Variants in ACACB observed in about 807,000 individuals in gnomAD.
The protein encoded by ACACB is acetyl-CoA carboxylase 2.
In ACACB, 209 loss-of-function variants were observed where a neutral mutation model predicts 278.8. That is an observed-to-expected ratio of 0.75 (90% CI 0.67 to 0.84). The LOEUF is 0.84. Ranked by LOEUF, ACACB falls within the 40% of genes least tolerant of loss-of-function variation. The pLI is 0.00. For synonymous variants in ACACB, 1,174 were observed against 1,285.6 expected, an observed-to-expected ratio of 0.91 and a Z score of 1.86; for missense variants, 2,850 against 3,269.0, an observed-to-expected ratio of 0.87 and a Z score of 3.13.
intron 33 of ACACB, 196 bp downstream of exon 33, chr12:109,235,843 T>C (rs942120125): frequency 1.7e-5 from 9 of 536,512 alleles, no homozygotes; most frequent in Admixed American, 7.3e-5. Context: ...ACAAAAAAAT[T>C]AAAAAATCAG....
In ACACB at chr12:109,262,982, A is replaced by T. The variant is rs1419981228; in HGVS notation, c.6787+513A>T. 42 of 137,634 alleles carry T rather than the reference A, an allele frequency of 3.1e-4. 1 individual carries two copies. Among genetic ancestry groups the T allele is most frequent in the Admixed American group, 1.3e-3 (18 of 13,776 alleles). The allele number at this position is 137,634 out of a possible 1,614,324, so 8.5% of individuals were successfully genotyped here. A position where few individuals can be genotyped will look rare whatever the true frequency, so the allele number is the denominator to read the frequency against. ...TATATATATATATATATATATATAT[A>T]TTGCCATCGTGAATTTATTTCTCAG... On this transcript the variant is annotated intron_variant, in intron 49 of 52. Transcript: ENST00000338432.
chr12:109,168,155 G>A, intron 4 of ACACB, 121 bp downstream of exon 4: 1 of 1,057,676 alleles, frequency 9.5e-7, no homozygotes, highest in South Asian at 1.8e-5. Flanking sequence ...TCATGAGTCT[G>A]TATTTATTTG....
At chr12:109,183,492 T>C (rs1305406807) in intron 11 of ACACB, among the ~76,000 whole-genome samples, 1 of 152,202 alleles carries the variant, frequency 6.6e-6, no homozygotes, top group East Asian at 1.9e-4. Flanking sequence ...TATAGAGACC[T>C]TTCACTTCTT....
At chr12:109,213,742 C>T (rs1180205062) in intron 22 of ACACB, among the ~76,000 whole-genome samples, 4 of 151,964 alleles carry the variant, frequency 2.6e-5, no homozygotes, top group African/African-American at 7.3e-5. Context: ...GAACTACGGG[C>T]GCCCAACACC....
Position 109,180,142 on chromosome 12 carries a change from T to C in ACACB, c.1818+55T>C, listed in dbSNP as rs981066359. 5.6e-5 allele frequency: 88 copies of C among 1,566,600 alleles called. 2 individuals carry two copies. The South Asian group carries it at 8.7e-4, about 16-fold the overall frequency. The stretch of plus-strand genomic sequence containing the variant: ...TTCTCTGCCCTGGGTCAGGGGTCCA[T>C]GTGCTGCTCCCATTAGTCCATCCCG... On this transcript the variant is annotated intron_variant, in intron 11 of 52. Coordinates refer to ENST00000338432, the MANE Select transcript of ACACB (RefSeq NM_001093.4).
At chr12:109,220,085 C>G (rs2046116552) in intron 24 of ACACB, among the ~76,000 whole-genome samples, 1 of 152,184 alleles carries the variant, frequency 6.6e-6, no homozygotes. Context: ...CATATTGACT[C>G]TCTTCTGGGC....
chr12:109,260,133 G>A (rs2047340521), intron 47 of ACACB: 16 of 1,386,944 alleles, frequency 1.2e-5, no homozygotes, highest in Non-Finnish European at 1.5e-5. Flanking sequence ...GCACATTGGG[G>A]AAGGATCAGT....
At chr12:109,250,260 C>T (rs2047058232) in intron 41 of ACACB, among the ~76,000 whole-genome samples, 156 bp downstream of exon 41, 1 of 152,194 alleles carries the variant, frequency 6.6e-6, no homozygotes, top group African/African-American at 2.4e-5. Context: ...TCCTCAATCT[C>T]ACCCCCATCC....
chr12:109,252,947 T>C, intron 42 of ACACB, 68 bp from the exon 43 acceptor site: 1 of 1,400,692 alleles, frequency 7.1e-7, no homozygotes, highest in South Asian at 1.9e-5. Context: ...AGCACTGAGA[T>C]GATTTCCAAA....
chr12:109,200,366 G>T (rs1332433661), intron 18 of ACACB, among the ~76,000 whole-genome samples: 1 of 151,830 alleles, frequency 6.6e-6, no homozygotes, highest in African/African-American at 2.4e-5. Flanking sequence ...TTGTATTTTT[G>T]GTAGTGACAG....
chr12:109,127,371 T>C (rs2042705658), intron 1 of ACACB, among the ~76,000 whole-genome samples: 1 of 151,384 alleles, frequency 6.6e-6, no homozygotes, highest in Non-Finnish European at 1.5e-5. Flanking sequence ...AAGCTCTTAC[T>C]CAGGAGTTCA....
intron 2 of ACACB, among the ~76,000 whole-genome samples, chr12:109,161,326 T>C (rs1039608599): frequency 6.6e-6 from 1 of 152,128 alleles, no homozygotes; most frequent in African/African-American, 2.4e-5. Context: ...GGCAGATCAC[T>C]TGAGGTCAGG....
intron 1 of ACACB, among the ~76,000 whole-genome samples, chr12:109,126,451 G>A (rs1247025213): frequency 6.6e-6 from 1 of 152,192 alleles, no homozygotes; most frequent in African/African-American, 2.4e-5. Context: ...GGGAGGAAGA[G>A]GTGGGAAGAT....
chr12:109,197,978 T>C (rs1315752421), intron 17 of ACACB, among the ~76,000 whole-genome samples: 1 of 152,114 alleles, frequency 6.6e-6, no homozygotes, highest in East Asian at 1.9e-4. Flanking sequence ...CACTGCAGCC[T>C]CAACTTCCCT....
At chr12:109,207,095 A>T (rs12314997) in intron 20 of ACACB, among the ~76,000 whole-genome samples, 1,939 of 152,278 alleles carry the variant, frequency 0.013, 51 homozygotes, top group African/African-American at 0.043. Flanking sequence ...AGCTGGGACT[A>T]TAGGTGCACC....
rs1346563177 is a variant in ACACB, at chr12:109,176,033, G to C, written c.1319G>C (p.Gly440Ala). The part of the protein sequence containing the change: ...DKGCVKDVDE[G>A]LEAAERIGFP... ...GGTTGCGTGAAAGACGTAGATGAGGGCTTGGAGGTAAATGCAGAGCCTGTG... is the reference window on the plus strand; with the variant it reads ...GGTTGCGTGAAAGACGTAGATGAGGCCTTGGAGGTAAATGCAGAGCCTGTG... The change falls in exon 8 of 53, where the codon GGC becomes GCC. Residue 440 changes from glycine to alanine, a missense_variant. By Grantham distance (60) the Gly-to-Ala change is moderately conservative (BLOSUM62 0). This residue lies in a region of ACACB where 2,265 missense variants were observed against 2,561.3 expected (regional missense o/e 0.88). Coordinates refer to ENST00000338432, the MANE Select transcript of ACACB (RefSeq NM_001093.4). The C allele has an allele frequency of 3.1e-6, 5 of 1,613,984 alleles. No individual in the cohort carries two copies. In the Admixed American group the frequency reaches 8.3e-5, roughly 27 times the overall value.
chr12:109,114,647 C>G (rs968638993), upstream of ACACB, among the ~76,000 whole-genome samples: 10 of 151,548 alleles, frequency 6.6e-5, no homozygotes, highest in Non-Finnish European at 1.3e-4. Context: ...AGTTCAAGAC[C>G]AACTTGGGCA....
intron 16 of ACACB, among the ~76,000 whole-genome samples, chr12:109,195,004 C>T (rs1456497588): frequency 4.6e-5 from 7 of 152,146 alleles, no homozygotes; most frequent in African/African-American, 1.7e-4. Flanking sequence ...GGTTGCTCTC[C>T]TCTGTCAGAA....
intron 42 of ACACB, 121 bp downstream of exon 42, chr12:109,252,277 CAAGA>C (rs770431360): frequency 2.7e-5 from 17 of 638,170 alleles, no homozygotes; most frequent in Admixed American, 1.5e-4. Flanking sequence ...CCTACTGATA[CAAGA>C]GCTCTTTTTT....
Sources: gnomAD v4.1 joint callset for allele counts (sites outside exome capture counted in the v4.1 genomes callset) on GRCh38, gnomAD v4.1.1 for gene constraint, gnomAD v4.1.1 regional missense constraint, MANE v1.5 for transcripts, NCBI Gene and HGNC (gene_info 2026-07-23, HGNC 2026-07-21) for gene names.